The following PDZD2 variants were observed in gnomAD, a reference collection of about 807,000 sequenced individuals.
PDZD2 encodes PDZ domain containing 2.
Under a neutral mutation model 220.7 loss-of-function variants are expected in PDZD2, and 90 were observed. The ratio of observed to expected loss-of-function variants is 0.41; its 90% CI spans 0.34 to 0.49. The LOEUF (loss-of-function observed/expected upper bound fraction) is 0.49. Among genes scored for constraint, PDZD2 ranks in the 20% least tolerant of loss-of-function variants. The pLI, the probability that PDZD2 is intolerant of heterozygous loss-of-function variation, is 0.28. For synonymous variants in PDZD2, 1,375 were observed against 1,450.5 expected (o/e 0.95, Z 1.18); for missense variants, 3,174 against 3,608.5 (o/e 0.88, Z 3.08).
chr5:31,833,657 A>AG (rs1165321069), intron 2 of PDZD2, among the ~76,000 whole-genome samples: 2 of 151,896 alleles, frequency 1.3e-5, no homozygotes, highest in Non-Finnish European at 1.5e-5. Context: ...AAAAGAAAAG[A>AG]AAAGAAAAAA....
intron 1 of PDZD2, among the ~76,000 whole-genome samples, chr5:31,702,898 G>A (rs1206846857): frequency 6.6e-6 from 1 of 152,232 alleles, no homozygotes; most frequent in East Asian, 1.9e-4. Flanking sequence ...ATACTGCCAT[G>A]GCTGCTGGCT....
intron 2 of PDZD2, among the ~76,000 whole-genome samples, chr5:31,833,467 CAAAAAAAAAAGAAAAAA>C (rs1455676631): frequency 6.7e-6 from 1 of 148,946 alleles, no homozygotes; most frequent in East Asian, 2.2e-4. Context: ...GACCCTGTCT[CAAAAAAAAAAGAAAAAA>C]AAAAAAAAAA....
chr5:31,820,420 T>A (rs1755766237), intron 2 of PDZD2: 1 of 152,214 alleles, frequency 6.6e-6, no homozygotes, highest in South Asian at 2.1e-4. Context: ...CTTAACACAT[T>A]TGAACACGTT....
chr5:31,714,943 C>T (rs1040394657), intron 1 of PDZD2, among the ~76,000 whole-genome samples: 1 of 151,620 alleles, frequency 6.6e-6, no homozygotes, highest in Non-Finnish European at 1.5e-5. Flanking sequence ...CCTGTAGTCT[C>T]AGCTACTCGG....
intron 1 of PDZD2, among the ~76,000 whole-genome samples, chr5:31,655,147 C>T (rs1745498797): frequency 6.6e-6 from 1 of 151,988 alleles, no homozygotes; most frequent in Non-Finnish European, 1.5e-5. Flanking sequence ...TTATTTTCTC[C>T]ATTGCACATT....
chr5:32,083,575 C>T lies in PDZD2; in HGVS notation c.3683-3556C>T, dbSNP rs1391898539. On this transcript the variant is annotated intron_variant, in intron 19 of 24. Transcript: ENST00000438447. This position sits in a 1 kb window ranked among gnomAD's most constrained non-coding sequence, Gnocchi z 4.1. The stretch of plus-strand genomic sequence containing the variant: ...ACCAAAGGCTGCCTCAGTGTAACCT[C>T]GTCTCCCTCAGATGAAGACCTTTTA... The T allele has an allele frequency of 6.6e-6, 1 of 152,188 alleles. No homozygotes were observed. The highest frequency in any genetic ancestry group is 2.4e-5 in the African/African-American group (1 of 41,440). 9.4% of individuals were successfully genotyped at this position (152,188 alleles called of 1,614,324 possible). A position where few individuals can be genotyped will look rare whatever the true frequency, so the allele number is the denominator to read the frequency against.
chr5:31,956,842 G>A (rs747818522), intron 2 of PDZD2, among the ~76,000 whole-genome samples: 6 of 151,278 alleles, frequency 4.0e-5, no homozygotes, highest in African/African-American at 7.3e-5. Flanking sequence ...AGCAACCTGC[G>A]TGAAGCATGG....
chr5:31,754,664 A>G (rs1751205392), intron 1 of PDZD2: 2 of 152,158 alleles, frequency 1.3e-5, no homozygotes, highest in African/African-American at 4.8e-5. Flanking sequence ...CTCCTTGAGT[A>G]AAAAAAGCTC....
At chr5:31,884,583 T>C (rs1740251924) in intron 2 of PDZD2, among the ~76,000 whole-genome samples, 1 of 151,430 alleles carries the variant, frequency 6.6e-6, no homozygotes, top group South Asian at 2.1e-4. Flanking sequence ...TTGGACGTCA[T>C]TGTATTGTGT....
At chr5:31,685,197 A>C (rs1017587327) in intron 1 of PDZD2, among the ~76,000 whole-genome samples, 1 of 152,152 alleles carries the variant, frequency 6.6e-6, no homozygotes, top group African/African-American at 2.4e-5. Flanking sequence ...TTTGCTGGCT[A>C]TTATGGTTAT....
In PDZD2 at chr5:31,880,053, A is replaced by T. The variant is rs188245833; in HGVS notation, c.476+80329A>T. On this transcript the variant is annotated intron_variant, in intron 2 of 24. Transcript: ENST00000438447. ...CTCAGCCTCCCAAGTAGCTGGGATG[A>T]CAGGCGCCCACCACCACCACCACGC... Among the ~76,000 whole-genome samples, 10 of 151,954 alleles carry T rather than the reference A, an allele frequency of 6.6e-5. No individual in the cohort carries two copies. In the East Asian group the frequency reaches 1.8e-3, roughly 27 times the overall value.
intron 21 of PDZD2, 48 bp from the exon 22 acceptor site, chr5:32,097,231 T>A: frequency 8.1e-7 from 1 of 1,233,354 alleles, no homozygotes; most frequent in Non-Finnish European, 1.2e-6. Flanking sequence ...TCTTTCTTAA[T>A]TTTTTGCAGC....
intron 5 of PDZD2, among the ~76,000 whole-genome samples, chr5:32,007,218 T>G (rs1581261569): frequency 6.6e-6 from 1 of 151,402 alleles, no homozygotes; most frequent in Non-Finnish European, 1.5e-5. Flanking sequence ...GCGCCCGGCC[T>G]GCCATGCTGG....
rs1742538901 is a variant in PDZD2 at position 32,087,084 on chromosome 5, T to C, written c.3683-47T>C. The stretch of plus-strand genomic sequence containing the variant: ...CTTATATTATCCCTTTTATCTCCCC[T>C]ACAACCTCTCCTGTGTATGTACCTT... On this transcript the variant is annotated intron_variant, in intron 19 of 24. Transcript: ENST00000438447. The surrounding 1 kb of genome is among the most constrained non-coding windows in gnomAD (Gnocchi z 4.0). 1 of 1,095,834 alleles carries C rather than the reference T, an allele frequency of 9.1e-7. No homozygotes were observed. Among genetic ancestry groups the C allele is most frequent in the East Asian group, 2.4e-5 (1 of 41,748 alleles). 67.9% of individuals were successfully genotyped at this position (1,095,834 alleles called of 1,614,324 possible). A position where few individuals can be genotyped will look rare whatever the true frequency, so the allele number is the denominator to read the frequency against.
intron 1 of PDZD2, among the ~76,000 whole-genome samples, chr5:31,793,916 A>T (rs1252412884): frequency 6.6e-6 from 1 of 152,164 alleles, no homozygotes; most frequent in Admixed American, 6.5e-5. Flanking sequence ...CATGTGTGCA[A>T]ATTTGGGCGG....
chr5:31,926,520 G>C (rs1744777651), intron 2 of PDZD2, among the ~76,000 whole-genome samples: 1 of 78,562 alleles, frequency 1.3e-5, no homozygotes, highest in Non-Finnish European at 2.5e-5. Flanking sequence ...GGTAGAAACT[G>C]CATCTGAAAA....
chr5:32,011,261 G>A (rs942049285), intron 6 of PDZD2, among the ~76,000 whole-genome samples: 1 of 151,588 alleles, frequency 6.6e-6, no homozygotes, highest in African/African-American at 2.4e-5. Context: ...GGCCAAGGTG[G>A]GTGGATTGCT....
At chr5:31,679,831 G>C (rs370170147) in intron 1 of PDZD2, among the ~76,000 whole-genome samples, 3 of 152,088 alleles carry the variant, frequency 2.0e-5, no homozygotes, top group Non-Finnish European at 4.4e-5. Flanking sequence ...ATTTTTGAAG[G>C]TTCCCCCTGG....
intron 6 of PDZD2, among the ~76,000 whole-genome samples, chr5:32,028,310 T>C (rs987889156): frequency 6.6e-6 from 1 of 152,184 alleles, no homozygotes; most frequent in Admixed American, 6.5e-5. Context: ...TTTCTAAGGA[T>C]ATTTAGCTTG....
Sources: allele counts gnomAD v4.1 joint callset (sites outside exome capture counted in the v4.1 genomes callset), GRCh38; gene constraint gnomAD v4.1.1; non-coding constraint Gnocchi (gnomAD v3.1); transcripts MANE v1.5; gene names NCBI Gene and HGNC (gene_info 2026-07-23, HGNC 2026-07-21).